Variants in EEF2K observed in about 807,000 individuals in gnomAD.
EEF2K encodes eukaryotic elongation factor 2 kinase, also known as alternative protein EEF2K.
A neutral mutation model predicts 93.8 loss-of-function variants in EEF2K; 70 were observed. The observed-to-expected ratio is 0.75, with a 90% confidence interval of 0.62 to 0.91. EEF2K has a LOEUF of 0.91. EEF2K is among the 40% of genes least tolerant of loss of function. EEF2K has a pLI of 0.00. For missense variants in EEF2K, 935 were observed against 972.9 expected (o/e 0.96, Z 0.52); for synonymous variants, 376 against 380.8 (o/e 0.99, Z 0.15).
chr16:22,248,415 C>T (rs1254421746), intron 3 of EEF2K, among the ~76,000 whole-genome samples: 1 of 152,138 alleles, frequency 6.6e-6, no homozygotes, highest in Non-Finnish European at 1.5e-5. Flanking sequence ...CTAAGACAGA[C>T]ATGGGTCTGC....
At chr16:22,231,511 C>T (rs1371235753) in intron 2 of EEF2K, among the ~76,000 whole-genome samples, 2 of 152,084 alleles carry the variant, frequency 1.3e-5, no homozygotes, top group Non-Finnish European at 2.9e-5. Context: ...CAGTTAGTGG[C>T]AGTTCTCTCT....
At chr16:22,215,703 T>C (rs767900842) in intron 1 of EEF2K, among the ~76,000 whole-genome samples, 66 of 152,034 alleles carry the variant, frequency 4.3e-4, no homozygotes, top group Non-Finnish European at 7.5e-4. Context: ...GGCGGGTGGA[T>C]CACTTGAGGT....
intron 1 of EEF2K, among the ~76,000 whole-genome samples, chr16:22,224,621 A>C (rs937317569): frequency 2.7e-5 from 4 of 148,496 alleles, no homozygotes; most frequent in African/African-American, 1.0e-4. Flanking sequence ...TGGATGACAG[A>C]GCAAGATTCT....
Position 22,210,052 on chromosome 16 carries a change from C to T in EEF2K, c.-77+3373C>T, listed in dbSNP as rs368077898. On this transcript the variant is annotated intron_variant, in intron 1 of 17. Transcript: ENST00000263026. Reference sequence around the variant, plus strand: ...TCAAGCGATTCTTCTGTCTGGGCCTCCCAAAGTGTTAGGATCACAGGCATG... The same window carrying T: ...TCAAGCGATTCTTCTGTCTGGGCCTTCCAAAGTGTTAGGATCACAGGCATG... Among the ~76,000 whole-genome samples, 62 of 152,304 alleles carry T rather than the reference C, an allele frequency of 4.1e-4. 1 individual carries two copies. The South Asian group carries it at 0.011, about 26-fold the overall frequency.
chr16:22,270,400 C>T (rs973646801), intron 15 of EEF2K, among the ~76,000 whole-genome samples: 4 of 152,014 alleles, frequency 2.6e-5, no homozygotes, highest in African/African-American at 9.7e-5. Flanking sequence ...GCTAGGATTA[C>T]AGGTATGAGC....
intron 5 of EEF2K, 109 bp from the exon 6 acceptor site, chr16:22,251,042 C>A: frequency 1.4e-6 from 2 of 1,394,022 alleles, no homozygotes; most frequent in Non-Finnish European, 2.0e-6. Flanking sequence ...GTTCCTGCTG[C>A]CAGCCACCCA....
chr16:22,266,603 C>T, intron 14 of EEF2K, 79 bp downstream of exon 14: 1 of 1,593,080 alleles, frequency 6.3e-7, no homozygotes, highest in South Asian at 1.1e-5. Context: ...CCGCTAATCA[C>T]TTCCTCCCGC....
chr16:22,246,778 G>A (rs2047296913), intron 3 of EEF2K, among the ~76,000 whole-genome samples: 1 of 151,838 alleles, frequency 6.6e-6, no homozygotes, highest in East Asian at 1.9e-4. Context: ...GATGGCTCAC[G>A]CCTGTAATCC....
intron 16 of EEF2K, among the ~76,000 whole-genome samples, chr16:22,278,709 G>C (rs1477009673): frequency 1.3e-5 from 2 of 152,088 alleles, no homozygotes; most frequent in Non-Finnish European, 1.5e-5. Flanking sequence ...GCTCTTTCCT[G>C]ATATACTATA....
chr16:22,215,896 G>A (rs1193398289), intron 1 of EEF2K, among the ~76,000 whole-genome samples: 1 of 152,190 alleles, frequency 6.6e-6, no homozygotes, highest in Admixed American at 6.6e-5. Flanking sequence ...CTGCACTCCA[G>A]CCTGGGTAAC....
Position 22,210,003 on chromosome 16 carries a change from C to T in EEF2K, c.-77+3324C>T, listed in dbSNP as rs148200462. ...TAGAGATGGGGTCTCACTCTGTTGC[C>T]CAGGCTGGGCTTGAACTCTGGGCTC... is the stretch of plus-strand genomic sequence containing the variant. On this transcript the variant is annotated intron_variant, in intron 1 of 17. Coordinates refer to ENST00000263026, the MANE Select transcript of EEF2K (RefSeq NM_013302.5). Among the ~76,000 whole-genome samples, 23 of 152,120 alleles carry T rather than the reference C, an allele frequency of 1.5e-4. No homozygotes were observed. In the East Asian group the frequency reaches 4.5e-3, roughly 29 times the overall value.
At position 22,280,298 on chromosome 16, in the gene EEF2K, CG is replaced by C. The variant is rs753306734; in HGVS notation, c.1992del (p.Tyr665ThrfsTer2). 1 of 1,608,812 alleles carries C rather than the reference CG, an allele frequency of 6.2e-7. No homozygotes were observed. Among genetic ancestry groups the C allele is most frequent in the South Asian group, 1.1e-5 (1 of 90,034 alleles). On this transcript the variant is annotated frameshift_variant, in exon 17 of 18. Transcript: ENST00000263026. LOFTEE classifies it high-confidence loss of function. ...GEYDGMQDEPRYMMLAREAEM... is the reference protein window; with the variant it reads ...GEYDGMQDEPXYMMLAREAEM... ...GTACGACGGAATGCAGGACGAGCCC[CG>C]GTACATGATGCTGGCCAGGGAGGCC...
chr16:22,249,374 CTTTG>C (rs1277223126), intron 4 of EEF2K, among the ~76,000 whole-genome samples: 1 of 151,290 alleles, frequency 6.6e-6, no homozygotes, highest in African/African-American at 2.4e-5. Flanking sequence ...CTTTATGAAA[CTTTG>C]TTTTAGTGTA....
In EEF2K at chr16:22,225,594, C is replaced by G. The variant is rs2047054413; in HGVS notation, c.-76-60C>G. 16 of 1,348,044 alleles carry G rather than the reference C, an allele frequency of 1.2e-5. No individual in the cohort carries two copies. In the South Asian group the frequency reaches 1.7e-4, roughly 15 times the overall value. The allele number at this position is 1,348,044 out of a possible 1,614,324, so 83.5% of individuals were successfully genotyped here. A position where few individuals can be genotyped will look rare whatever the true frequency, so the allele number is the denominator to read the frequency against. Reference sequence around the variant, plus strand: ...AGCCTGCAGCATTTGGGGTGAGGGTCGGGCGAATTCGCAGCCCTGGGCCCC... The same window carrying G: ...AGCCTGCAGCATTTGGGGTGAGGGTGGGGCGAATTCGCAGCCCTGGGCCCC... On this transcript the variant is annotated intron_variant, in intron 1 of 17. Coordinates refer to ENST00000263026, the MANE Select transcript of EEF2K (RefSeq NM_013302.5).
intron 7 of EEF2K, 64 bp downstream of exon 7, chr16:22,256,961 C>A: frequency 6.3e-7 from 1 of 1,596,086 alleles, no homozygotes; most frequent in Non-Finnish European, 8.5e-7. Context: ...CCTGGCCAGG[C>A]TCAGCCCCTA....
In EEF2K at chr16:22,220,336, G is replaced by C. The variant is rs528092733; in HGVS notation, c.-76-5318G>C. ...GTCAGGTCTGTGGTGGGACATGGCC[G>C]AGGGCCGAGCTCCCCACACTGTAAG... On this transcript the variant is annotated intron_variant, in intron 1 of 17. Coordinates refer to ENST00000263026, the MANE Select transcript of EEF2K (RefSeq NM_013302.5). 2.0e-5 allele frequency among the ~76,000 whole-genome samples: 3 copies of C among 152,344 alleles called. No homozygotes were observed. In the South Asian group the frequency reaches 6.2e-4, roughly 32 times the overall value.
Position 22,284,118 on chromosome 16 carries a change from A to C in EEF2K, c.*122A>C. ...CATTTTTAAGTGTGTTGTAAAATCA[A>C]ATTTTATATTTCATTTTTTGACTCT... On this transcript the variant is annotated 3_prime_UTR_variant, in exon 18 of 18. Transcript: ENST00000263026. The C allele has an allele frequency of 1.1e-6, 1 of 878,440 alleles. No individual in the cohort carries two copies. Among genetic ancestry groups the C allele is most frequent in the East Asian group, 2.7e-5 (1 of 37,450 alleles). 54.4% of individuals were successfully genotyped at this position (878,440 alleles called of 1,614,324 possible).
At chr16:22,280,903 TC>T (rs1367861332) in intron 17 of EEF2K, among the ~76,000 whole-genome samples, 1 of 152,130 alleles carries the variant, frequency 6.6e-6, no homozygotes, top group Non-Finnish European at 1.5e-5. Flanking sequence ...CCTCAAGTGA[TC>T]GGCCCACCTC....
chr16:22,236,105 A>C (rs945414300), intron 2 of EEF2K, among the ~76,000 whole-genome samples: 1 of 151,892 alleles, frequency 6.6e-6, no homozygotes, highest in Admixed American at 6.6e-5. Flanking sequence ...CCTGGTTTCC[A>C]GTTTTTTGCT....
Sources: gnomAD v4.1 joint callset for allele counts (sites outside exome capture counted in the v4.1 genomes callset) on GRCh38, gnomAD v4.1.1 for gene constraint, MANE v1.5 for transcripts, NCBI Gene and HGNC (gene_info 2026-07-23, HGNC 2026-07-21) for gene names.